GSAP: variants seen among roughly 807,000 people sequenced by gnomAD.
The protein encoded by GSAP is gamma-secretase activating protein.
Under a neutral mutation model 131.7 loss-of-function variants are expected in GSAP, and 118 were observed. That is an observed-to-expected ratio of 0.90 (90% CI 0.77 to 1.04). The LOEUF (loss-of-function observed/expected upper bound fraction) is 1.04. GSAP is among the 50% of genes least tolerant of loss of function. The pLI is 0.00. For missense variants in GSAP, 1,019 were observed against 1,013.2 expected (o/e 1.01, Z -0.08); for synonymous variants, 381 against 363.4 (o/e 1.05, Z -0.55).
At chr7:77,328,319 C>T in intron 22 of GSAP, 2 of 1,171,368 alleles carry the variant, frequency 1.7e-6, no homozygotes, top group South Asian at 8.0e-5. Context: ...CCTGTGGGCA[C>T]AGCCAGAGGG....
chr7:77,413,164 AAGG>A (rs1803597911), intron 1 of GSAP, among the ~76,000 whole-genome samples: 1 of 152,208 alleles, frequency 6.6e-6, no homozygotes, highest in South Asian at 2.1e-4. Flanking sequence ...CCTTAAGAGG[AAGG>A]AGAAGGAAGC....
chr7:77,373,074 T>C (rs532242194), intron 12 of GSAP, among the ~76,000 whole-genome samples: 1 of 152,256 alleles, frequency 6.6e-6, no homozygotes, highest in South Asian at 2.1e-4. Context: ...GGATGGAATA[T>C]CTTGGAGGGA....
intron 2 of GSAP, 46 bp downstream of exon 2, chr7:77,405,983 C>A: frequency 1.5e-6 from 1 of 687,538 alleles, no homozygotes; most frequent in Non-Finnish European, 2.1e-6. Context: ...TGATTAAAAA[C>A]AGTAAATTTT....
intron 5 of GSAP, among the ~76,000 whole-genome samples, chr7:77,388,770 A>G (rs1025549531): frequency 6.6e-6 from 1 of 152,240 alleles, no homozygotes; most frequent in South Asian, 2.1e-4. Flanking sequence ...TTTTGAAAAA[A>G]GCAAAGAACG....
intron 1 of GSAP, among the ~76,000 whole-genome samples, chr7:77,406,481 G>C (rs1267499400): frequency 6.6e-6 from 1 of 152,130 alleles, no homozygotes; most frequent in Non-Finnish European, 1.5e-5. Context: ...ATATCATTAA[G>C]GGCATACGAA....
Position 77,323,742 on chromosome 7 carries a change from T to C in GSAP, c.1828A>G (p.Met610Val). 4 of 1,523,758 alleles carry C rather than the reference T, an allele frequency of 2.6e-6. No individual in the cohort carries two copies. The highest frequency in any genetic ancestry group is 3.6e-6 in the Non-Finnish European group (4 of 1,102,452). The allele number at this position is 1,523,758 out of a possible 1,614,324, so 94.4% of individuals were successfully genotyped here. ...AAATGGTCTTTTAGCTCAGACACCA[T>C]CTGAAAACAGGATATGCATTAAATA... ...DSHQRLLMGL[M>V]VSELKDHFLR... Residue 610 changes from methionine (M) to valine (V), a missense_variant and splice_region_variant, in exon 24 of 31, where the codon ATG (methionine) becomes GTG (valine). Physicochemically the swap from Met to Val is conservative, Grantham distance 21 (BLOSUM62 1). Transcript: ENST00000257626.
chr7:77,412,776 CAAAAA>C (rs34619648), intron 1 of GSAP, among the ~76,000 whole-genome samples: 1 of 110,710 alleles, frequency 9.0e-6, no homozygotes, highest in Admixed American at 9.3e-5. Context: ...ACCAGTTTGA[CAAAAA>C]AAAAAAAAAA....
At chr7:77,362,696 A>C (rs10487622) in intron 12 of GSAP, 36 bp from the exon 13 acceptor site, 1 of 1,173,646 alleles carries the variant, frequency 8.5e-7, no homozygotes, top group Admixed American at 1.7e-5. Flanking sequence ...AGTTTAACAG[A>C]ATCTATGTCA....
intron 1 of GSAP, among the ~76,000 whole-genome samples, chr7:77,409,426 T>A: frequency 6.6e-6 from 1 of 152,186 alleles, no homozygotes; most frequent in East Asian, 1.9e-4. Context: ...TACTTTTCAA[T>A]GAGATAATGA....
In GSAP at chr7:77,353,035, A is replaced by C. The variant is rs746557722; in HGVS notation, c.1409-9T>G. On this transcript the variant is annotated splice_polypyrimidine_tract_variant and intron_variant, in intron 17 of 30. Coordinates refer to ENST00000257626, the MANE Select transcript of GSAP (RefSeq NM_017439.4). ...ACTCCAGTATGAAGAAGCTGAGTAG[A>C]TTTTTTTTGAAACAGGGGGAAAAAA... The C allele has an allele frequency of 6.5e-7, 1 of 1,534,738 alleles. No homozygotes were observed. The highest frequency in any genetic ancestry group is 1.1e-5 in the South Asian group (1 of 88,868).
At chr7:77,370,176 G>A (rs1223327760) in intron 12 of GSAP, among the ~76,000 whole-genome samples, 1 of 152,140 alleles carries the variant, frequency 6.6e-6, no homozygotes, top group Non-Finnish European at 1.5e-5. Context: ...AAGTACCAGG[G>A]GCCAGGCGCG....
At chr7:77,408,047 G>C (rs56777853) in intron 1 of GSAP, among the ~76,000 whole-genome samples, 5,108 of 152,268 alleles carry the variant, frequency 0.034, 291 homozygotes, top group African/African-American at 0.12. Flanking sequence ...CACAACTAAT[G>C]TACAGTGTTA....
At chr7:77,345,037 G>A (rs1400212432) in intron 19 of GSAP, among the ~76,000 whole-genome samples, 1 of 152,144 alleles carries the variant, frequency 6.6e-6, no homozygotes, top group Non-Finnish European at 1.5e-5. Context: ...AAAATCTAAA[G>A]GATAGAGCCT....
intron 5 of GSAP, among the ~76,000 whole-genome samples, chr7:77,389,899 A>T (rs866911530): frequency 2.0e-5 from 3 of 152,196 alleles, no homozygotes; most frequent in Non-Finnish European, 2.9e-5. Flanking sequence ...CAGTCCCACC[A>T]ACAGTGTGAA....
chr7:77,416,118 A>T (rs1243730899), intron 1 of GSAP, 95 bp downstream of exon 1: 1 of 670,080 alleles, frequency 1.5e-6, no homozygotes, highest in African/African-American at 1.9e-5. Context: ...CAGGGCGGCG[A>T]CGCCCCGGGT....
intron 12 of GSAP, among the ~76,000 whole-genome samples, chr7:77,370,693 C>G (rs1795986787): frequency 6.6e-6 from 1 of 152,196 alleles, no homozygotes; most frequent in South Asian, 2.1e-4. Context: ...CCCTTTCCAG[C>G]TGCTGCCTCT....
At chr7:77,340,646 G>A (rs767674326) in intron 19 of GSAP, among the ~76,000 whole-genome samples, 6 of 152,244 alleles carry the variant, frequency 3.9e-5, no homozygotes, top group South Asian at 4.1e-4. Flanking sequence ...CCAAAACTCC[G>A]GCGCCAGTCA....
At chr7:77,335,158 G>C (rs1301297763) in intron 19 of GSAP, among the ~76,000 whole-genome samples, 1 of 152,102 alleles carries the variant, frequency 6.6e-6, no homozygotes, top group African/African-American at 2.4e-5. Context: ...CCAGCACTTT[G>C]GGAGGCCAAG....
chr7:77,372,440 TAA>T (rs1796272096), intron 12 of GSAP, among the ~76,000 whole-genome samples: 1 of 152,094 alleles, frequency 6.6e-6, no homozygotes, highest in Non-Finnish European at 1.5e-5. Flanking sequence ...GAATAGAAAA[TAA>T]AGTTTATTGA....
Sources: allele counts gnomAD v4.1 joint callset (sites outside exome capture counted in the v4.1 genomes callset), GRCh38; gene constraint gnomAD v4.1.1; transcripts MANE v1.5; gene names NCBI Gene and HGNC (gene_info 2026-07-23, HGNC 2026-07-21).